The following NHLRC2 variants were observed in gnomAD, a reference collection of about 807,000 sequenced individuals.
NHLRC2 encodes NHL repeat-containing protein 2.
A neutral mutation model predicts 68.1 loss-of-function variants in NHLRC2; 33 were observed. The ratio of observed to expected loss-of-function variants is 0.48; its 90% confidence interval spans 0.37 to 0.65. The LOEUF is 0.65. NHLRC2 is among the 30% of genes least tolerant of loss of function. NHLRC2 has a pLI of 0.00. For synonymous variants in NHLRC2, 311 were observed against 309.6 expected (o/e 1.00, Z -0.05); for missense variants, 761 against 853.8 (o/e 0.89, Z 1.35).
At chr10:113,871,827 C>T (rs1845928807) in intron 2 of NHLRC2, among the ~76,000 whole-genome samples, 1 of 152,114 alleles carries the variant, frequency 6.6e-6, no homozygotes, top group African/African-American at 2.4e-5. Flanking sequence ...TCACTTGGCC[C>T]TGCATTTCAC....
At chr10:113,862,698 A>G (rs1009701671) in intron 2 of NHLRC2, among the ~76,000 whole-genome samples, 3 of 152,244 alleles carry the variant, frequency 2.0e-5, no homozygotes, top group South Asian at 2.1e-4. Flanking sequence ...TTTAGATCCA[A>G]AGATACAAAC....
chr10:113,864,872 G>A (rs1174017077), intron 2 of NHLRC2, among the ~76,000 whole-genome samples: 1 of 151,912 alleles, frequency 6.6e-6, no homozygotes, highest in Non-Finnish European at 1.5e-5. Flanking sequence ...AATTTTATGA[G>A]CCAGTGGTAA....
At chr10:113,893,252 C>T (rs917360862) in intron 5 of NHLRC2, among the ~76,000 whole-genome samples, 4 of 152,112 alleles carry the variant, frequency 2.6e-5, no homozygotes, top group African/African-American at 9.7e-5. Context: ...AGAGCTAAGT[C>T]TGCATGGGTC....
chr10:113,876,939 C>A lies in NHLRC2; in HGVS notation c.750C>A (p.Val250=). The change falls in exon 3 of 11, where the codon GTC becomes GTA. Residue 250 remains valine (V), a synonymous_variant. Coordinates refer to ENST00000369301, the MANE Select transcript of NHLRC2 (RefSeq NM_198514.4). The stretch of plus-strand genomic sequence containing the variant: ...ACACTGGACATCATAGAATTTTGGT[C>A]GTTTGGAAGAATGGACAAATTCAAT... The part of the protein sequence containing the change: ...IADTGHHRIL[V]VWKNGQIQYS... 1 of 1,600,906 alleles carries A rather than the reference C, an allele frequency of 6.2e-7. No homozygotes were observed. Among genetic ancestry groups the A allele is most frequent in the South Asian group, 1.1e-5 (1 of 88,270 alleles).
chr10:113,882,656 G>GT (rs1253049367), intron 4 of NHLRC2, among the ~76,000 whole-genome samples: 2 of 151,310 alleles, frequency 1.3e-5, no homozygotes, highest in Non-Finnish European at 3.0e-5. Flanking sequence ...TTTATACTTA[G>GT]TTAATCATGT....
At chr10:113,857,918 C>A (rs906308669) in intron 1 of NHLRC2, among the ~76,000 whole-genome samples, 2 of 152,112 alleles carry the variant, frequency 1.3e-5, no homozygotes, top group African/African-American at 4.8e-5. Context: ...TTTATCCTTA[C>A]ACACATTTCA....
At position 113,858,624 on chromosome 10, in the gene NHLRC2, A is replaced by G; in HGVS notation, c.275A>G (p.Asn92Ser). Residue 92 changes from asparagine to serine, a missense_variant, in exon 2 of 11, where the codon AAC becomes AGC. Coordinates refer to ENST00000369301, the MANE Select transcript of NHLRC2 (RefSeq NM_198514.4). ...GATTTCTTCACCTACTGCTGCATAA[A>G]CTGTATTCACCTATTGCCTGATCTC... ...VLDFFTYCCI[N>S]CIHLLPDLHA... The G allele has an allele frequency of 6.2e-7, 1 of 1,610,858 alleles. No individual in the cohort carries two copies. Among genetic ancestry groups the G allele is most frequent in the Non-Finnish European group, 8.5e-7 (1 of 1,177,084 alleles).
At chr10:113,902,162 GA>G (rs1287297965) in intron 7 of NHLRC2, among the ~76,000 whole-genome samples, 2 of 152,016 alleles carry the variant, frequency 1.3e-5, no homozygotes, top group African/African-American at 4.8e-5. Flanking sequence ...TTGGAGAAAA[GA>G]AAAAAATGTA....
chr10:113,896,898 G>A (rs942786216), intron 5 of NHLRC2, among the ~76,000 whole-genome samples: 4 of 151,674 alleles, frequency 2.6e-5, no homozygotes, highest in Admixed American at 2.6e-4. Flanking sequence ...GGAGGCTGAG[G>A]CAGGAGAATG....
chr10:113,862,207 GC>G (rs1450786992), intron 2 of NHLRC2, among the ~76,000 whole-genome samples: 1 of 151,950 alleles, frequency 6.6e-6, no homozygotes, highest in Non-Finnish European at 1.5e-5. Flanking sequence ...AGAAACTAAT[GC>G]ATTAAAGTAA....
chr10:113,858,835 T>G (rs1845788153), intron 2 of NHLRC2, 155 bp downstream of exon 2: 1 of 511,812 alleles, frequency 2.0e-6, no homozygotes, highest in Non-Finnish European at 3.4e-6. Flanking sequence ...TCATGTACCT[T>G]TTCATAAAGG....
chr10:113,855,794 C>A (rs1402371320), intron 1 of NHLRC2, among the ~76,000 whole-genome samples: 1 of 152,164 alleles, frequency 6.6e-6, no homozygotes, highest in African/African-American at 2.4e-5. Context: ...CCACCGCGCC[C>A]GGCCTGCCAC....
chr10:113,902,490 A>G lies in NHLRC2; in HGVS notation c.1391A>G (p.Asp464Gly). ...RDPMNLFAFG[D>G]VDGVGINAKL... Reference sequence around the variant, plus strand: ...TTAAAGAATTTATTTGCTTTTGGTGATGTTGATGGAGTAGGAATCAATGCA... The same window carrying G: ...TTAAAGAATTTATTTGCTTTTGGTGGTGTTGATGGAGTAGGAATCAATGCA... The change falls in exon 8 of 11, where the codon GAT (aspartate) becomes GGT (glycine). Residue 464 changes from aspartate to glycine, a missense_variant. Transcript: ENST00000369301. 6 of 1,569,534 alleles carry G rather than the reference A, an allele frequency of 3.8e-6. No individual in the cohort carries two copies. Among genetic ancestry groups the G allele is most frequent in the Non-Finnish European group, 5.2e-6 (6 of 1,161,290 alleles).
chr10:113,866,537 T>C (rs1845869079), intron 2 of NHLRC2, among the ~76,000 whole-genome samples: 1 of 152,086 alleles, frequency 6.6e-6, no homozygotes, highest in Admixed American at 6.5e-5. Flanking sequence ...AATGTATAAC[T>C]AAGTCAGACT....
At chr10:113,896,373 G>A (rs1344603232) in intron 5 of NHLRC2, among the ~76,000 whole-genome samples, 1 of 151,926 alleles carries the variant, frequency 6.6e-6, no homozygotes, top group Non-Finnish European at 1.5e-5. Context: ...GTAGGGACAT[G>A]GATGAAATTG....
Position 113,915,315 on chromosome 10 carries a change from T to C in NHLRC2, c.*6779T>C, listed in dbSNP as rs764470808. ...GCACTAAACAAGCACAAATGAACAC[T>C]AAATAGCCTTATACCAAAAAGCATT... On this transcript the variant is annotated 3_prime_UTR_variant, in exon 11 of 11. Coordinates refer to ENST00000369301, the MANE Select transcript of NHLRC2 (RefSeq NM_198514.4). 1.1e-5 allele frequency: 5 copies of C among 439,628 alleles called. No homozygotes were observed. The highest frequency in any genetic ancestry group is 2.3e-5 in the Non-Finnish European group (5 of 218,594). 27.2% of individuals were successfully genotyped at this position (439,628 alleles called of 1,614,324 possible).
intron 2 of NHLRC2, among the ~76,000 whole-genome samples, chr10:113,865,839 T>C (rs915910362): frequency 2.6e-5 from 4 of 152,194 alleles, no homozygotes; most frequent in Non-Finnish European, 4.4e-5. Flanking sequence ...TAACCAGAAA[T>C]GATCACATGG....
chr10:113,876,431 TAA>T, intron 2 of NHLRC2, 88 bp from the exon 3 acceptor site: 1 of 724,258 alleles, frequency 1.4e-6, no homozygotes, highest in Non-Finnish European at 2.2e-6. Flanking sequence ...TATGGACTTT[TAA>T]TATTTGTGAT....
At chr10:113,863,668 ACAAC>A (rs989509941) in intron 2 of NHLRC2, among the ~76,000 whole-genome samples, 1 of 152,168 alleles carries the variant, frequency 6.6e-6, no homozygotes, top group African/African-American at 2.4e-5. Context: ...CAATTTGGGT[ACAAC>A]CAACCAAAAG....
Sources: allele counts gnomAD v4.1 joint callset (sites outside exome capture counted in the v4.1 genomes callset), GRCh38; gene constraint gnomAD v4.1.1; transcripts MANE v1.5; gene names NCBI Gene and HGNC (gene_info 2026-07-23, HGNC 2026-07-21).